Variants in TG observed in about 807,000 individuals in gnomAD.
TG encodes the protein thyroid hormones.
A neutral mutation model predicts 324.7 loss-of-function variants in TG; 270 were observed. The ratio of observed to expected loss-of-function variants is 0.83; its 90% CI spans 0.75 to 0.92. TG has a LOEUF of 0.92. Ranked by LOEUF, TG falls within the 40% of genes least tolerant of loss-of-function variation. The pLI is 0.00. For synonymous variants in TG, 1,401 were observed against 1,327.0 expected, an observed-to-expected ratio of 1.06 and a Z score of -1.21; for missense variants, 3,591 against 3,456.4, an observed-to-expected ratio of 1.04 and a Z score of -0.98.
chr8:132,894,241 C>T (rs950256747), intron 11 of TG, among the ~76,000 whole-genome samples: 1 of 152,178 alleles, frequency 6.6e-6, no homozygotes, highest in African/African-American at 2.4e-5. Flanking sequence ...TCAAACACCC[C>T]TTACGGCCTG....
chr8:132,887,441 A>G lies in TG; in HGVS notation c.2069A>G (p.Glu690Gly). Residue 690 changes from glutamate to glycine, a missense_variant, in exon 9 of 48, where the codon GAG (glutamate) becomes GGG (glycine). Glu to Gly is a moderately conservative substitution (Grantham distance 98, BLOSUM62 -2). Coordinates refer to ENST00000220616, the MANE Select transcript of TG (RefSeq NM_003235.5). ...STLFVPACTS[E>G]GHFLPVQCFN... is the part of the protein sequence containing the mutation. The stretch of plus-strand genomic sequence containing the variant: ...TTGTTTGTCCCTGCTTGTACTAGTG[A>G]GGGACATTTCCTGCCTGTCCAGTGC... 5.0e-6 allele frequency: 8 copies of G among 1,614,116 alleles called. No individual in the cohort carries two copies. Among genetic ancestry groups the G allele is most frequent in the Non-Finnish European group, 6.8e-6 (8 of 1,180,042 alleles).
At position 133,095,044 on chromosome 8, in the gene TG, G is replaced by A. The variant is rs200705981; in HGVS notation, c.7240G>A (p.Gly2414Arg). 1 of 1,613,382 alleles carries A rather than the reference G, an allele frequency of 6.2e-7. No individual in the cohort carries two copies. Reference sequence around the variant, plus strand: ...GCCCTGAGCCTGCTTTCTCTTCCAGGGAGGCTCCGCACTCTCCCCGGCCGC... The same window carrying A: ...GCCCTGAGCCTGCTTTCTCTTCCAGAGAGGCTCCGCACTCTCCCCGGCCGC... ...SQLFRRAVLM[G>R]GSALSPAAVI... is the part of the protein sequence containing the mutation. Residue 2414 changes from glycine to arginine, a missense_variant and splice_region_variant, in exon 42 of 48, where the codon GGA (glycine) becomes AGA (arginine). Physicochemically the swap from Gly to Arg is moderately radical, Grantham distance 125. Transcript: ENST00000220616.
intron 45 of TG, among the ~76,000 whole-genome samples, chr8:133,119,549 A>G (rs1204962191): frequency 6.6e-6 from 1 of 152,164 alleles, no homozygotes; most frequent in African/African-American, 2.4e-5. Context: ...CTCTCATGGC[A>G]AAGGGGACAA....
intron 38 of TG, among the ~76,000 whole-genome samples, chr8:133,018,708 G>A (rs1356684786): frequency 6.6e-6 from 1 of 152,028 alleles, no homozygotes; most frequent in Non-Finnish European, 1.5e-5. Context: ...TATTACTGCT[G>A]CTCTTCTCCT....
intron 41 of TG, chr8:133,087,834 C>T (rs1240829916): frequency 4.6e-5 from 7 of 152,142 alleles, no homozygotes; most frequent in Non-Finnish European, 1.0e-4. Context: ...CACGTGACCT[C>T]CTCCAGCTGT....
At chr8:132,986,378 ATG>A (rs143779567) in intron 35 of TG, among the ~76,000 whole-genome samples, 50,067 of 117,698 alleles carry the variant, frequency 0.43, 8,710 homozygotes, top group Middle Eastern at 0.48. Context: ...TAGTATATAT[ATG>A]TGTGTATATA....
chr8:132,954,035 C>T (rs562397731), intron 27 of TG, among the ~76,000 whole-genome samples: 1 of 151,042 alleles, frequency 6.6e-6, no homozygotes, highest in Non-Finnish European at 1.5e-5. Flanking sequence ...CTACTGGGTT[C>T]ATCCTGAATC....
chr8:132,941,346 C>T lies in TG; in HGVS notation c.5042-5C>T. On this transcript the variant is annotated splice_region_variant and splice_polypyrimidine_tract_variant and intron_variant, in intron 25 of 47. Coordinates refer to ENST00000220616, the MANE Select transcript of TG (RefSeq NM_003235.5). Reference sequence around the variant, plus strand: ...TTTTAAAATTTTGTTCTGCCTTTCCCCCAGGCCAAGGATCCACCACAACAC... The same window carrying T: ...TTTTAAAATTTTGTTCTGCCTTTCCTCCAGGCCAAGGATCCACCACAACAC... The T allele has an allele frequency of 6.2e-7, 1 of 1,614,222 alleles. No individual in the cohort carries two copies.
intron 45 of TG, among the ~76,000 whole-genome samples, chr8:133,122,888 C>T (rs187264021): frequency 1.6e-4 from 25 of 152,304 alleles, no homozygotes; most frequent in African/African-American, 5.8e-4. Context: ...CACGGTCTGT[C>T]TCTGGAGCCC....
chr8:132,967,205 ACCATCCATCCATCCATCCAT>A (rs370535189), intron 30 of TG, among the ~76,000 whole-genome samples: 1 of 101,164 alleles, frequency 9.9e-6, no homozygotes, highest in Non-Finnish European at 2.1e-5. Context: ...ATCCCATCCA[ACCATCCATCCATCCATCCAT>A]CCATCCATCC....
At chr8:132,926,226 G>A (rs985109033) in intron 22 of TG, among the ~76,000 whole-genome samples, 6 of 152,324 alleles carry the variant, frequency 3.9e-5, no homozygotes, top group Middle Eastern at 3.4e-3. Flanking sequence ...AGAGGAATTT[G>A]CTCCTTCCTC....
intron 41 of TG, chr8:133,060,505 T>C: frequency 1.4e-6 from 1 of 734,650 alleles, no homozygotes; most frequent in Non-Finnish European, 2.1e-6. Context: ...AGGGTTTGTG[T>C]GAGAAACCAA....
In TG at chr8:132,895,347, C is replaced by T. The variant is rs147395233; in HGVS notation, c.3001+1418C>T. ...GGGCAGCTCCCTGCCTTCCCATCCA[C>T]GCCAGCAGGCACTCCAGGGTGTCTA... On this transcript the variant is annotated intron_variant, in intron 11 of 47. Coordinates refer to ENST00000220616, the MANE Select transcript of TG (RefSeq NM_003235.5). Among the ~76,000 whole-genome samples, 24 of 152,366 alleles carry T rather than the reference C, an allele frequency of 1.6e-4. No individual in the cohort carries two copies. The East Asian group carries it at 1.9e-3, about 12-fold the overall frequency.
chr8:132,917,889 A>ATTT (rs71299038), intron 20 of TG, among the ~76,000 whole-genome samples: 8,258 of 138,776 alleles, frequency 0.06, 412 homozygotes, highest in East Asian at 0.24. Context: ...GGTTTTTGCA[A>ATTT]TTTTTTTTTT....
chr8:133,081,231 C>T (rs1263048194), intron 41 of TG, among the ~76,000 whole-genome samples: 1 of 152,248 alleles, frequency 6.6e-6, no homozygotes, highest in African/African-American at 2.4e-5. Context: ...AGGAGTATGT[C>T]TAACCATGAC....
intron 35 of TG, among the ~76,000 whole-genome samples, chr8:133,004,135 C>T (rs1259188553): frequency 6.6e-6 from 1 of 152,136 alleles, no homozygotes; most frequent in Non-Finnish European, 1.5e-5. Flanking sequence ...ACTGTTGCCC[C>T]TCTGCCCATG....
chr8:132,897,794 G>A lies in TG; in HGVS notation c.3139+8G>A, dbSNP rs754611424. 30 of 1,613,962 alleles carry A rather than the reference G, an allele frequency of 1.9e-5. No individual in the cohort carries two copies. The highest frequency in any genetic ancestry group is 2.4e-5 in the Non-Finnish European group (28 of 1,180,030). On this transcript the variant is annotated splice_region_variant and intron_variant, in intron 12 of 47. Transcript: ENST00000220616. ...AGTGCCACGCTGGGACTGGTAAGGA[G>A]GGATAGGCACCTTCAGGTGGCCAAG...
rs1306885097 is a variant in TG, at chr8:132,893,781, C to T, written c.2853C>T (p.Phe951=). ...EIVSASNSSR[F]PLGESFLVAK... is the part of the protein sequence containing the mutation. Reference sequence around the variant, plus strand: ...TTTCAGCTTCCAACAGTTCTCGGTTCCCTCTGGGGGAGAGTTTCCTGGTGG... The same window carrying T: ...TTTCAGCTTCCAACAGTTCTCGGTTTCCTCTGGGGGAGAGTTTCCTGGTGG... Residue 951 remains phenylalanine (F), a synonymous_variant, in exon 11 of 48, where the codon TTC becomes TTT. Transcript: ENST00000220616. 6.2e-7 allele frequency: 1 copy of T among 1,613,988 alleles called. No individual in the cohort carries two copies. Among genetic ancestry groups the T allele is most frequent in the Non-Finnish European group, 8.5e-7 (1 of 1,179,918 alleles).
In TG at chr8:133,060,094, A is replaced by G. The variant is rs760791842; in HGVS notation, c.7239+30071A>G. On this transcript the variant is annotated intron_variant, in intron 41 of 47. Transcript: ENST00000220616. Reference sequence around the variant, plus strand: ...TCAAGCATCTCACCAGAGAAGCCAGACTTACCCTCCGGGTTGGGCAGGGGC... The same window carrying G: ...TCAAGCATCTCACCAGAGAAGCCAGGCTTACCCTCCGGGTTGGGCAGGGGC... 1.9e-6 allele frequency: 3 copies of G among 1,591,828 alleles called. No homozygotes were observed. The South Asian group carries it at 3.4e-5, about 18-fold the overall frequency.
Sources: gnomAD v4.1 joint callset for allele counts (sites outside exome capture counted in the v4.1 genomes callset) on GRCh38, gnomAD v4.1.1 for gene constraint, MANE v1.5 for transcripts, NCBI Gene and HGNC (gene_info 2026-07-23, HGNC 2026-07-21) for gene names.